Variants in CADM2 observed in about 807,000 individuals in gnomAD.
CADM2 encodes immunoglobulin superfamily member 4D.
In CADM2, 12 loss-of-function variants were observed where a neutral mutation model predicts 49.8. That is an observed-to-expected ratio of 0.24 (90% CI 0.15 to 0.39). The LOEUF (loss-of-function observed/expected upper bound fraction) is 0.39, where lower values mean the gene tolerates loss of function less well. CADM2 is among the 10% of genes least tolerant of loss of function. The probability of loss-of-function intolerance (pLI) is 1.00; values close to 1 mark genes in which losing one functional copy is unlikely to be tolerated. For missense variants in CADM2, 378 were observed against 492.3 expected (o/e 0.77, Z 2.20); for synonymous variants, 214 against 175.4 (o/e 1.22, Z -1.74).
chr3:85,780,570 G>C (rs1035912018), intron 2 of CADM2, among the ~76,000 whole-genome samples: 1 of 152,074 alleles, frequency 6.6e-6, no homozygotes, highest in African/African-American at 2.4e-5. Context: ...ATCTTCATTT[G>C]ATCACTTCCC....
At chr3:85,326,021 A>G (rs2044741168) in intron 1 of CADM2, among the ~76,000 whole-genome samples, 2 of 152,198 alleles carry the variant, frequency 1.3e-5, no homozygotes, top group South Asian at 4.1e-4. Flanking sequence ...ATAAATGTTT[A>G]TTATGGAATC....
chr3:84,996,119 T>A (rs1458749964), intron 1 of CADM2, among the ~76,000 whole-genome samples: 1 of 152,122 alleles, frequency 6.6e-6, no homozygotes, highest in Non-Finnish European at 1.5e-5. Context: ...AGTTCATGAG[T>A]CCAGGGTTTC....
intron 6 of CADM2, among the ~76,000 whole-genome samples, chr3:85,924,622 A>AATAAATAT (rs1470753208): frequency 1.3e-5 from 2 of 151,592 alleles, no homozygotes; most frequent in Non-Finnish European, 2.9e-5. Context: ...TAAATAAATA[A>AATAAATAT]ATAAGAATTA....
chr3:85,148,050 G>A (rs1415681209), intron 1 of CADM2, among the ~76,000 whole-genome samples: 1 of 152,188 alleles, frequency 6.6e-6, no homozygotes, highest in Non-Finnish European at 1.5e-5. Flanking sequence ...GTCAGATATT[G>A]TAGTACTCAC....
At chr3:85,081,756 GC>G (rs1453143966) in intron 1 of CADM2, among the ~76,000 whole-genome samples, 1 of 152,100 alleles carries the variant, frequency 6.6e-6, no homozygotes, top group Non-Finnish European at 1.5e-5. Context: ...TCTCCTCTCT[GC>G]CTGTAAAGCT....
At chr3:85,721,259 A>G (rs1209212451) in intron 1 of CADM2, among the ~76,000 whole-genome samples, 4 of 152,190 alleles carry the variant, frequency 2.6e-5, no homozygotes, top group Non-Finnish European at 5.9e-5. Flanking sequence ...TCCAATGGCA[A>G]TGTTTTGTTT....
chr3:85,175,288 G>C (rs2040749352), intron 1 of CADM2, among the ~76,000 whole-genome samples: 1 of 152,090 alleles, frequency 6.6e-6, no homozygotes, highest in African/African-American at 2.4e-5. Flanking sequence ...CCCCCGAAAA[G>C]TGAAAGCTAG....
At chr3:85,572,074 A>T (rs1183686142) in intron 1 of CADM2, among the ~76,000 whole-genome samples, 2 of 152,108 alleles carry the variant, frequency 1.3e-5, no homozygotes, top group Non-Finnish European at 2.9e-5. Context: ...AGGCCGGTGG[A>T]TCACATGAGG....
intron 2 of CADM2, among the ~76,000 whole-genome samples, chr3:85,784,215 A>G (rs1034629485): frequency 6.6e-6 from 1 of 152,210 alleles, no homozygotes; most frequent in Non-Finnish European, 1.5e-5. Context: ...ATTCTATTCA[A>G]TGCCCTTAAT....
At chr3:85,126,408 A>G (rs891720503) in intron 1 of CADM2, among the ~76,000 whole-genome samples, 12 of 152,110 alleles carry the variant, frequency 7.9e-5, no homozygotes, top group African/African-American at 2.9e-4. Context: ...ATATTTTAAG[A>G]TTGTTAGTGT....
At chr3:85,539,235 A>G (rs2061488042) in intron 1 of CADM2, among the ~76,000 whole-genome samples, 1 of 128,768 alleles carries the variant, frequency 7.8e-6, no homozygotes, top group Admixed American at 8.3e-5. Context: ...TAAGGCTGTA[A>G]TAGATCAGTG....
intron 1 of CADM2, among the ~76,000 whole-genome samples, chr3:85,638,579 T>C (rs1380431072): frequency 1.3e-5 from 2 of 152,092 alleles, no homozygotes; most frequent in East Asian, 3.9e-4. Flanking sequence ...TATACTTATG[T>C]TTTATTTGAG....
intron 1 of CADM2, among the ~76,000 whole-genome samples, chr3:85,634,203 G>A (rs988204918): frequency 2.6e-5 from 4 of 151,798 alleles, no homozygotes; most frequent in African/African-American, 9.7e-5. Flanking sequence ...TTTCAATGAG[G>A]TATTAAACAT....
intron 1 of CADM2, among the ~76,000 whole-genome samples, chr3:85,226,647 A>T (rs2042169430): frequency 6.7e-6 from 1 of 150,262 alleles, no homozygotes. Context: ...CCTTGATCTT[A>T]GTTATTTCTT....
intron 1 of CADM2, among the ~76,000 whole-genome samples, chr3:85,458,875 A>C (rs1275292019): frequency 2.0e-5 from 3 of 152,212 alleles, no homozygotes; most frequent in Non-Finnish European, 4.4e-5. Flanking sequence ...TATTAAAAGG[A>C]AGGCAATCTC....
intron 7 of CADM2, among the ~76,000 whole-genome samples, chr3:85,955,812 G>T (rs1723987322): frequency 6.6e-6 from 1 of 151,200 alleles, no homozygotes; most frequent in African/African-American, 2.4e-5. Flanking sequence ...CGAGTTAATA[G>T]GTTTTCTAAA....
chr3:85,373,053 T>G (rs1244686533), intron 1 of CADM2, among the ~76,000 whole-genome samples: 3 of 152,066 alleles, frequency 2.0e-5, no homozygotes, highest in Non-Finnish European at 1.5e-5. Context: ...GTCTTCACAT[T>G]TCAAAACCAA....
At chr3:85,036,414 C>A (rs1356964460) in intron 1 of CADM2, among the ~76,000 whole-genome samples, 1 of 151,890 alleles carries the variant, frequency 6.6e-6, no homozygotes, top group African/African-American at 2.4e-5. Context: ...TTAAAATAAG[C>A]CTTTAAAAAA....
intron 8 of CADM2, among the ~76,000 whole-genome samples, chr3:85,989,097 T>G (rs141813688): frequency 6.6e-6 from 1 of 152,268 alleles, no homozygotes; most frequent in African/African-American, 2.4e-5. Flanking sequence ...AAATATTAAT[T>G]TTAAGCCCCA....
Sources: allele counts gnomAD v4.1 joint callset (sites outside exome capture counted in the v4.1 genomes callset), GRCh38; gene constraint gnomAD v4.1.1; transcripts MANE v1.5; gene names NCBI Gene and HGNC (gene_info 2026-07-23, HGNC 2026-07-21).